GRM7: variants seen among roughly 807,000 people sequenced by gnomAD.
GRM7 encodes the protein metabotropic glutamate receptor 7.
GRM7 carries 35 observed loss-of-function variants against 84.5 expected under a neutral mutation model. That is an observed-to-expected ratio of 0.41 (90% CI 0.32 to 0.55). GRM7 has a LOEUF of 0.55. Among genes scored for constraint, GRM7 ranks in the 20% least tolerant of loss-of-function variants. GRM7 has a pLI of 0.19. For missense variants in GRM7, 1,003 were observed against 1,194.6 expected, an observed-to-expected ratio of 0.84 and a Z score of 2.36; for synonymous variants, 487 against 455.1, an observed-to-expected ratio of 1.07 and a Z score of -0.89.
intron 4 of GRM7, among the ~76,000 whole-genome samples, chr3:7,319,171 CAG>C (rs1390641755): frequency 6.6e-6 from 1 of 151,976 alleles, no homozygotes; most frequent in Non-Finnish European, 1.5e-5. Context: ...ATTATAATGT[CAG>C]AGGATGGATC....
intron 8 of GRM7, among the ~76,000 whole-genome samples, chr3:7,626,699 T>A (rs1697630647): frequency 1.3e-5 from 2 of 152,200 alleles, no homozygotes; most frequent in Non-Finnish European, 2.9e-5. Flanking sequence ...CTAGCCATAG[T>A]GGATTAGAGA....
At chr3:7,170,259 G>C (rs956336857) in intron 2 of GRM7, among the ~76,000 whole-genome samples, 5 of 152,290 alleles carry the variant, frequency 3.3e-5, no homozygotes, top group Non-Finnish European at 7.4e-5. Flanking sequence ...CATTAAGTGG[G>C]TATTGGGTGG....
At chr3:7,343,457 T>C (rs1692739254) in intron 4 of GRM7, among the ~76,000 whole-genome samples, 1 of 152,048 alleles carries the variant, frequency 6.6e-6, no homozygotes, top group Admixed American at 6.6e-5. Context: ...CAAGCAATCC[T>C]CACACCTTGG....
rs367753397 is a variant in GRM7 at position 7,076,945 on chromosome 3, T to A, written c.520-69507T>A. Among the ~76,000 whole-genome samples the A allele has an allele frequency of 7.2e-5, 11 of 152,238 alleles. No homozygotes were observed. In the South Asian group the frequency reaches 1.9e-3, roughly 26 times the overall value. On this transcript the variant is annotated intron_variant, in intron 1 of 9. Coordinates refer to ENST00000357716, the MANE Select transcript of GRM7 (RefSeq NM_000844.4). ...ATAGAAACTTCTCAAAAGAAGATATTTATGCAGCCAACAAACATATGAAAA... is the reference window on the plus strand; with the variant it reads ...ATAGAAACTTCTCAAAAGAAGATATATATGCAGCCAACAAACATATGAAAA...
chr3:7,142,947 A>G (rs1693997232), intron 1 of GRM7, among the ~76,000 whole-genome samples: 1 of 152,166 alleles, frequency 6.6e-6, no homozygotes, highest in Admixed American at 6.6e-5. Flanking sequence ...GTCCTGTGAT[A>G]CAGATTAAAA....
At chr3:7,654,717 A>G (rs1699102754) in intron 8 of GRM7, among the ~76,000 whole-genome samples, 1 of 152,212 alleles carries the variant, frequency 6.6e-6, no homozygotes, top group South Asian at 2.1e-4. Context: ...CAGCACTGAA[A>G]TTAGCTACTC....
intron 4 of GRM7, among the ~76,000 whole-genome samples, chr3:7,376,461 G>T (rs551571409): frequency 6.6e-6 from 1 of 152,260 alleles, no homozygotes; most frequent in South Asian, 2.1e-4. Flanking sequence ...GACCTGCTCC[G>T]TAGAGACTAC....
chr3:7,385,666 T>G (rs1009118359), intron 4 of GRM7, among the ~76,000 whole-genome samples: 14 of 152,240 alleles, frequency 9.2e-5, no homozygotes, highest in African/African-American at 3.4e-4. Flanking sequence ...AATTAAATTA[T>G]ATGTACTTGG....
chr3:6,933,258 G>C (rs1346156127), intron 1 of GRM7, among the ~76,000 whole-genome samples: 3 of 151,970 alleles, frequency 2.0e-5, no homozygotes, highest in Non-Finnish European at 4.4e-5. Flanking sequence ...GCTTTTTGTT[G>C]GCCCCTATGA....
intron 7 of GRM7, among the ~76,000 whole-genome samples, chr3:7,500,291 C>G (rs1699843759): frequency 6.6e-6 from 1 of 152,198 alleles, no homozygotes; most frequent in South Asian, 2.1e-4. Flanking sequence ...TATCAACCAT[C>G]ATCAAATTTG....
intron 4 of GRM7, among the ~76,000 whole-genome samples, chr3:7,318,523 A>G (rs751173545): frequency 1.3e-5 from 2 of 152,130 alleles, no homozygotes; most frequent in Non-Finnish European, 2.9e-5. Context: ...AGCCAAATGG[A>G]TGGCTGGAAG....
At chr3:7,208,169 G>T (rs1696300679) in intron 2 of GRM7, among the ~76,000 whole-genome samples, 1 of 152,124 alleles carries the variant, frequency 6.6e-6, no homozygotes, top group Non-Finnish European at 1.5e-5. Flanking sequence ...CTCTCCAAAA[G>T]TCTCATTCAT....
chr3:7,599,516 C>T (rs1696213312), intron 8 of GRM7, among the ~76,000 whole-genome samples: 1 of 152,102 alleles, frequency 6.6e-6, no homozygotes. Flanking sequence ...ATGTGGGTTT[C>T]AGAAGTAGGT....
At position 7,456,708 on chromosome 3, in the gene GRM7, T is replaced by C. The variant is rs1466901565; in HGVS notation, c.1375+3901T>C. On this transcript the variant is annotated intron_variant, in intron 6 of 9. Transcript: ENST00000357716. ...TTTTCTCTCTCTCTTTTTTTTTTTG[T>C]CATCATTGTAATCACACTCTATGGT... Among the ~76,000 whole-genome samples, 4 of 148,628 alleles carry C rather than the reference T, an allele frequency of 2.7e-5. No homozygotes were observed. The East Asian group carries it at 5.9e-4, about 22-fold the overall frequency.
intron 1 of GRM7, among the ~76,000 whole-genome samples, chr3:7,138,575 T>C (rs1045078749): frequency 6.7e-6 from 1 of 149,814 alleles, no homozygotes; most frequent in African/African-American, 2.5e-5. Context: ...GTAGTATGAA[T>C]ATATTGTCGT....
chr3:7,384,089 C>T (rs1017834263), intron 4 of GRM7, among the ~76,000 whole-genome samples: 10 of 152,198 alleles, frequency 6.6e-5, no homozygotes, highest in South Asian at 2.1e-4. Flanking sequence ...AGTGCAGTGG[C>T]GCAATTTTGG....
chr3:7,547,932 C>A (rs1654760542), intron 7 of GRM7, among the ~76,000 whole-genome samples: 1 of 152,124 alleles, frequency 6.6e-6, no homozygotes, highest in South Asian at 2.1e-4. Context: ...TTGTTTGGAA[C>A]AGAGAGAGGA....
intron 1 of GRM7, among the ~76,000 whole-genome samples, chr3:6,943,643 T>C (rs189418031): frequency 6.6e-6 from 1 of 152,046 alleles, no homozygotes; most frequent in Non-Finnish European, 1.5e-5. Flanking sequence ...TTTAGCTTTG[T>C]TCTTTAAGGT....
chr3:7,022,738 TATAGCC>T (rs1695825831), intron 1 of GRM7, among the ~76,000 whole-genome samples: 1 of 152,106 alleles, frequency 6.6e-6, no homozygotes, highest in Non-Finnish European at 1.5e-5. Context: ...AGGGTTCTCT[TATAGCC>T]AGGGCAGCAG....
Sources: allele counts gnomAD v4.1 joint callset (sites outside exome capture counted in the v4.1 genomes callset), GRCh38; gene constraint gnomAD v4.1.1; transcripts MANE v1.5; gene names NCBI Gene and HGNC (gene_info 2026-07-23, HGNC 2026-07-21).